Variants in IST1 observed in about 807,000 individuals in gnomAD.
IST1 encodes the protein IST1 factor associated with ESCRT-III, also known as IST1 homolog.
In IST1, 23 loss-of-function variants were observed where a neutral mutation model predicts 37.0. The observed-to-expected ratio is 0.62, with a 90% CI of 0.45 to 0.88. The LOEUF (loss-of-function observed/expected upper bound fraction) is 0.88. Among genes scored for constraint, IST1 ranks in the 40% least tolerant of loss-of-function variants. The pLI is 0.00. For synonymous variants in IST1, 180 were observed against 161.7 expected (o/e 1.11, Z -0.86); for missense variants, 488 against 445.4 (o/e 1.10, Z -0.86).
At position 71,899,338 on chromosome 16, in the gene IST1, G is replaced by A. The variant is rs542338358; in HGVS notation, c.-16+3749G>A. Reference sequence around the variant, plus strand: ...TCATGCCTGTAATCCCAGCACTTCGGGAGGTTGAGGCGGGAGGATTGCTGA... The same window carrying A: ...TCATGCCTGTAATCCCAGCACTTCGAGAGGTTGAGGCGGGAGGATTGCTGA... On this transcript the variant is annotated intron_variant, in intron 1 of 9. Transcript: ENST00000378799. Among the ~76,000 whole-genome samples the A allele has an allele frequency of 4.6e-5, 7 of 152,172 alleles. No homozygotes were observed. In the South Asian group the frequency reaches 1.5e-3, roughly 32 times the overall value.
At chr16:71,918,314 C>T (rs1173785770) in intron 4 of IST1, among the ~76,000 whole-genome samples, 1 of 132,382 alleles carries the variant, frequency 7.6e-6, no homozygotes, top group African/African-American at 2.9e-5. Context: ...GTTAACTCCC[C>T]CCAGAGAATA....
At position 71,930,108 on chromosome 16, in the gene IST1, T is replaced by C. The variant is rs1299679531; in HGVS notation, c.*2295T>C. On this transcript the variant is annotated 3_prime_UTR_variant, in exon 10 of 10. Transcript: ENST00000378799. ...ATGAGAATGGCCGAAACGAAAAGAT[T>C]AATTACCACAAGTACCATCAAGATG... 14 of 1,551,588 alleles carry C rather than the reference T, an allele frequency of 9.0e-6. No homozygotes were observed. The East Asian group carries it at 3.4e-4, about 38-fold the overall frequency.
chr16:71,904,431 G>T (rs1326100942), intron 1 of IST1, among the ~76,000 whole-genome samples: 3 of 152,128 alleles, frequency 2.0e-5, no homozygotes, highest in Non-Finnish European at 4.4e-5. Flanking sequence ...CTGTTGTTTT[G>T]AGACAGGATC....
chr16:71,930,140 G>C lies in IST1; in HGVS notation c.*2327G>C. The C allele has an allele frequency of 6.4e-7, 1 of 1,551,624 alleles. No homozygotes were observed. On this transcript the variant is annotated 3_prime_UTR_variant, in exon 10 of 10. Coordinates refer to ENST00000378799, the MANE Select transcript of IST1 (RefSeq NM_001270975.2). ...CACAAGTACCATCAAGATGACACTG[G>C]TGAGGATCAGAAAGGTGCCCAGGAC...
At position 71,915,474 on chromosome 16, in the gene IST1, A is replaced by C. The variant is rs930067339; in HGVS notation, c.-15-152A>C. ...CAATCAGTTTTTTTTACAACAGCCA[A>C]AACAATCTGTAAAAAATGTGAATTA... On this transcript the variant is annotated intron_variant, in intron 1 of 9. Coordinates refer to ENST00000378799, the MANE Select transcript of IST1 (RefSeq NM_001270975.2). 4 of 562,050 alleles carry C rather than the reference A, an allele frequency of 7.1e-6. No homozygotes were observed. The East Asian group carries it at 1.3e-4, about 18-fold the overall frequency. The allele number at this position is 562,050 out of a possible 1,614,324, so 34.8% of individuals were successfully genotyped here.
upstream of IST1, chr16:71,894,719 A>C: frequency 9.9e-6 from 3 of 301,552 alleles, no homozygotes; most frequent in South Asian, 1.2e-4. Flanking sequence ...TTTTTTTTGT[A>C]GCGATGCGGT....
At chr16:71,894,816 CCAGGCTTAAGCAGCGATAAT>C, upstream of IST1, 1 of 1,533,176 alleles carries the variant, frequency 6.5e-7, no homozygotes, top group Admixed American at 2.0e-5. Flanking sequence ...AAGGTCCCTT[CCAGGCTTAAGCAGCGATAAT>C]GGTTTTCAAG....
intron 1 of IST1, among the ~76,000 whole-genome samples, chr16:71,908,723 C>G (rs1416412723): frequency 6.6e-6 from 1 of 152,192 alleles, no homozygotes; most frequent in Non-Finnish European, 1.5e-5. Context: ...TCTAGTTCCT[C>G]AAGCCAGGAC....
chr16:71,928,250 GGTGA>G lies in IST1; in HGVS notation c.*443_*446del, dbSNP rs1227402493. On this transcript the variant is annotated 3_prime_UTR_variant, in exon 10 of 10. Coordinates refer to ENST00000378799, the MANE Select transcript of IST1 (RefSeq NM_001270975.2). Reference sequence around the variant, plus strand: ...AGACCCCTCTGTACAGGGGGATTGTGGTGAGTGAGAATCAAGGCCACCTTGTGTG... The same window carrying G: ...AGACCCCTCTGTACAGGGGGATTGTGGTGAGAATCAAGGCCACCTTGTGTG... The G allele has an allele frequency of 5.7e-6, 1 of 174,858 alleles. No homozygotes were observed. Among genetic ancestry groups the G allele is most frequent in the Admixed American group, 5.8e-5 (1 of 17,382 alleles). The allele number at this position is 174,858 out of a possible 1,614,324, so 10.8% of individuals were successfully genotyped here.
chr16:71,902,755 G>T (rs999784910), intron 1 of IST1, among the ~76,000 whole-genome samples: 1 of 151,980 alleles, frequency 6.6e-6, no homozygotes, highest in African/African-American at 2.4e-5. Context: ...CCCTTTCATC[G>T]CTGATACTGA....
chr16:71,909,533 G>T (rs765529300), intron 1 of IST1, among the ~76,000 whole-genome samples: 5 of 152,188 alleles, frequency 3.3e-5, no homozygotes, highest in African/African-American at 9.6e-5. Context: ...TGGAATTGCT[G>T]TGTCTTAAGG....
At chr16:71,924,232 G>C (rs943122039) in intron 8 of IST1, 2 of 451,864 alleles carry the variant, frequency 4.4e-6, no homozygotes, top group South Asian at 1.6e-5. Flanking sequence ...ATTCAAGAAT[G>C]CTTTCCCTTT....
chr16:71,894,721 C>A, upstream of IST1: 1 of 426,470 alleles, frequency 2.3e-6, no homozygotes. Context: ...TTTTTTGTAG[C>A]GATGCGGTTT....
At chr16:71,924,329 G>T (rs1442864847) in intron 8 of IST1, 2 of 388,632 alleles carry the variant, frequency 5.1e-6, no homozygotes, top group Non-Finnish European at 1.0e-5. Flanking sequence ...TCAACATGGG[G>T]CTGGGCGGGG....
At chr16:71,909,689 A>T (rs1020001848) in intron 1 of IST1, among the ~76,000 whole-genome samples, 1 of 152,212 alleles carries the variant, frequency 6.6e-6, no homozygotes, top group Non-Finnish European at 1.5e-5. Flanking sequence ...GTATAATCTT[A>T]TCTTTGTTAA....
intron 1 of IST1, among the ~76,000 whole-genome samples, chr16:71,906,702 A>G (rs1479463841): frequency 2.0e-5 from 3 of 151,856 alleles, no homozygotes; most frequent in African/African-American, 7.3e-5. Flanking sequence ...TTTGAGGGAT[A>G]TTTTCCCTGG....
At chr16:71,903,785 T>C (rs1279878054) in intron 1 of IST1, 4 of 152,326 alleles carry the variant, frequency 2.6e-5, no homozygotes, top group African/African-American at 9.6e-5. Context: ...TTGGGTGTAA[T>C]GTTCTGTAAG....
Position 71,921,468 on chromosome 16 carries a change from G to A in IST1, c.552+15G>A, listed in dbSNP as rs377310265. The A allele has an allele frequency of 6.8e-5, 101 of 1,489,938 alleles. No homozygotes were observed. Among genetic ancestry groups the A allele is most frequent in the Non-Finnish European group, 9.1e-5 (97 of 1,069,592 alleles). The allele number at this position is 1,489,938 out of a possible 1,614,324, so 92.3% of individuals were successfully genotyped here. ...CTGTGGTCATGGTAAGTTTATCCCA[G>A]AATACAAAGAAAAATGAGTTTGTAG... On this transcript the variant is annotated intron_variant, in intron 6 of 9. Coordinates refer to ENST00000378799, the MANE Select transcript of IST1 (RefSeq NM_001270975.2).
intron 8 of IST1, 26 bp downstream of exon 8, chr16:71,923,406 G>A (rs1421232872): frequency 7.0e-7 from 1 of 1,430,068 alleles, no homozygotes; most frequent in East Asian, 2.3e-5. Context: ...TCTTTTATAA[G>A]CAACAGGAGA....
Sources: gnomAD v4.1 joint callset for allele counts (sites outside exome capture counted in the v4.1 genomes callset) on GRCh38, gnomAD v4.1.1 for gene constraint, MANE v1.5 for transcripts, NCBI Gene and HGNC (gene_info 2026-07-23, HGNC 2026-07-21) for gene names.